RPN2: variants seen among roughly 807,000 people sequenced by gnomAD.
The protein encoded by RPN2 is ribophorin II, also known as dolichyl-diphosphooligosaccharide--protein glycosyltransferase subunit 2.
RPN2 carries 29 observed loss-of-function variants against 71.4 expected under a neutral mutation model. That is an observed-to-expected ratio of 0.41 (90% confidence interval 0.30 to 0.55). The LOEUF (loss-of-function observed/expected upper bound fraction) is 0.55. RPN2 is among the 20% of genes least tolerant of loss of function. RPN2 has a pLI of 0.35. For missense variants in RPN2, 726 were observed against 774.1 expected, an observed-to-expected ratio of 0.94 and a Z score of 0.74; for synonymous variants, 308 against 305.0, an observed-to-expected ratio of 1.01 and a Z score of -0.10.
chr20:37,222,947 T>C (rs2067995077), intron 9 of RPN2, among the ~76,000 whole-genome samples: 1 of 152,246 alleles, frequency 6.6e-6, no homozygotes, highest in African/African-American at 2.4e-5. Flanking sequence ...TGGATTGGTT[T>C]GTGCTTATAA....
At chr20:37,226,137 G>A (rs1055001702) in intron 11 of RPN2, among the ~76,000 whole-genome samples, 2 of 152,126 alleles carry the variant, frequency 1.3e-5, no homozygotes, top group Admixed American at 6.5e-5. Flanking sequence ...GCAGTGGTGT[G>A]ATCTCAGCTC....
At chr20:37,189,503 G>T (rs112404174) in intron 2 of RPN2, among the ~76,000 whole-genome samples, 1 of 152,170 alleles carries the variant, frequency 6.6e-6, no homozygotes, top group Non-Finnish European at 1.5e-5. Context: ...AGCTATATGA[G>T]ATCCAGCTTA....
chr20:37,191,275 G>A (rs1006976400), intron 2 of RPN2, among the ~76,000 whole-genome samples: 1 of 152,074 alleles, frequency 6.6e-6, no homozygotes, highest in Admixed American at 6.5e-5. Context: ...TCAGGAGTTC[G>A]AGACCAGCCT....
intron 2 of RPN2, among the ~76,000 whole-genome samples, chr20:37,191,752 G>C (rs1463334175): frequency 6.6e-6 from 1 of 151,880 alleles, no homozygotes; most frequent in Non-Finnish European, 1.5e-5. Context: ...ATGTCAGAAA[G>C]GTGATTTTAC....
chr20:37,205,725 C>T (rs117551208), intron 6 of RPN2, among the ~76,000 whole-genome samples: 76 of 152,228 alleles, frequency 5.0e-4, no homozygotes, highest in Non-Finnish European at 9.0e-4. Flanking sequence ...CTTTTTGTGT[C>T]TCTTCCTTTG....
intron 2 of RPN2, 23 bp from the exon 3 acceptor site, chr20:37,198,374 A>G (rs2067301054): frequency 1.9e-6 from 3 of 1,614,194 alleles, no homozygotes; most frequent in Non-Finnish European, 1.7e-6. Flanking sequence ...ACCACTTAAC[A>G]TTGACTTTTC....
intron 1 of RPN2, among the ~76,000 whole-genome samples, chr20:37,181,431 C>CTTTTTTT (rs748226554): frequency 3.9e-5 from 5 of 129,432 alleles, no homozygotes; most frequent in Non-Finnish European, 6.6e-5. Context: ...TTTTTCTTTT[C>CTTTTTTT]TTTTTTTTTT....
At chr20:37,207,980 G>A (rs2146599630) in intron 7 of RPN2, among the ~76,000 whole-genome samples, 1 of 152,214 alleles carries the variant, frequency 6.6e-6, no homozygotes, top group South Asian at 2.1e-4. Context: ...ATTTTAAATA[G>A]TACAGGCTTG....
At chr20:37,188,336 G>T (rs1182716760) in intron 2 of RPN2, among the ~76,000 whole-genome samples, 1 of 151,858 alleles carries the variant, frequency 6.6e-6, no homozygotes, top group Non-Finnish European at 1.5e-5. Flanking sequence ...TTGTATTTTG[G>T]TAGAGACGAG....
intron 13 of RPN2, among the ~76,000 whole-genome samples, chr20:37,231,239 C>T (rs940845212): frequency 8.6e-5 from 13 of 152,018 alleles, no homozygotes; most frequent in African/African-American, 3.1e-4. Flanking sequence ...CTTCTGGTCA[C>T]ACAGCCATAC....
At chr20:37,230,760 G>T in intron 13 of RPN2, among the ~76,000 whole-genome samples, 1 of 152,064 alleles carries the variant, frequency 6.6e-6, no homozygotes, top group East Asian at 1.9e-4. Context: ...TGCTCAAAGG[G>T]TAGAGTAGTA....
intron 2 of RPN2, among the ~76,000 whole-genome samples, chr20:37,188,267 C>T (rs1458868262): frequency 6.6e-6 from 1 of 152,078 alleles, no homozygotes; most frequent in Non-Finnish European, 1.5e-5. Flanking sequence ...CTGCTGGGTT[C>T]AAGCGATTCC....
chr20:37,198,577 T>C, intron 3 of RPN2, 85 bp downstream of exon 3: 2 of 1,596,252 alleles, frequency 1.3e-6, no homozygotes, highest in East Asian at 4.5e-5. Flanking sequence ...AACATCCTTT[T>C]TTTAATTATG....
intron 2 of RPN2, among the ~76,000 whole-genome samples, chr20:37,190,472 T>C (rs1476557243): frequency 6.6e-6 from 1 of 152,212 alleles, no homozygotes; most frequent in African/African-American, 2.4e-5. Flanking sequence ...TCAAAATTGT[T>C]GTTCTGTCAT....
chr20:37,198,927 G>C, intron 3 of RPN2, 123 bp from the exon 4 acceptor site: 4 of 811,756 alleles, frequency 4.9e-6, no homozygotes, highest in East Asian at 2.5e-5. Context: ...GGGGATTAGA[G>C]GGGGATGAGC....
rs192409352 is a variant in RPN2, at chr20:37,225,888, G to A, written c.1299+86G>A. ...AATGTGGTCTATAACATGGACTAGA[G>A]AGAATTCCACGTTCCTGCTTTCAGG... On this transcript the variant is annotated intron_variant, in intron 11 of 16. Transcript: ENST00000237530. The A allele has an allele frequency of 2.2e-3, 2,074 of 936,396 alleles. 5 individuals carry two copies. The highest frequency in any genetic ancestry group is 2.6e-3 in the Non-Finnish European group (1,523 of 579,958). The allele number at this position is 936,396 out of a possible 1,614,324, so 58.0% of individuals were successfully genotyped here.
rs193183116 is a variant in RPN2 at position 37,200,227 on chromosome 20, A to G, written c.479+1002A>G. Among the ~76,000 whole-genome samples the G allele has an allele frequency of 8.5e-5, 13 of 152,134 alleles. 1 individual carries two copies. Among genetic ancestry groups the G allele is most frequent in the Admixed American group, 7.8e-4 (12 of 15,292 alleles). ...AGGTCTTGAACTCCTGACCTCAAGC[A>G]ATCTACCTGCCTTGGCCTCCCAAAG... On this transcript the variant is annotated intron_variant, in intron 4 of 16. Coordinates refer to ENST00000237530, the MANE Select transcript of RPN2 (RefSeq NM_002951.5).
intron 15 of RPN2, 77 bp from the exon 16 acceptor site, chr20:37,236,503 G>GCTATGT: frequency 6.7e-7 from 1 of 1,483,268 alleles, no homozygotes; most frequent in South Asian, 1.1e-5. Context: ...TCCAACAGTT[G>GCTATGT]CTATGTCTAA....
chr20:37,198,697 C>T (rs1568970588), intron 3 of RPN2, among the ~76,000 whole-genome samples: 1 of 151,260 alleles, frequency 6.6e-6, no homozygotes, highest in East Asian at 1.9e-4. Context: ...TTTAAATAAC[C>T]TTTTTGTACA....
Sources: allele counts gnomAD v4.1 joint callset (sites outside exome capture counted in the v4.1 genomes callset), GRCh38; gene constraint gnomAD v4.1.1; transcripts MANE v1.5; gene names NCBI Gene and HGNC (gene_info 2026-07-23, HGNC 2026-07-21).